The following CELSR2 variants were observed in gnomAD, a reference collection of about 807,000 sequenced individuals.
CELSR2 encodes EGF-like protein 2.
CELSR2 carries 81 observed loss-of-function variants against 251.6 expected under a neutral mutation model. That is an observed-to-expected ratio of 0.32 (90% confidence interval 0.27 to 0.39). CELSR2 has a LOEUF of 0.39. Among genes scored for constraint, CELSR2 ranks in the 10% least tolerant of loss-of-function variants. CELSR2 has a pLI of 1.00. For synonymous variants in CELSR2, 1,721 were observed against 1,670.5 expected, an observed-to-expected ratio of 1.03 and a Z score of -0.74; for missense variants, 3,365 against 3,947.7, an observed-to-expected ratio of 0.85 and a Z score of 3.96.
intron 2 of CELSR2, 55 bp from the exon 3 acceptor site, chr1:109,260,987 A>G: frequency 1.4e-6 from 2 of 1,409,584 alleles, no homozygotes; most frequent in African/African-American, 1.4e-5. Flanking sequence ...GGGGGGTCTC[A>G]GTTCCCCTCC....
At position 109,262,947 on chromosome 1, in the gene CELSR2, T is replaced by C. The variant is rs1656060346; in HGVS notation, c.4686T>C (p.Ile1562=). ...DSRHIDMADF[I]ANNGTVPGCP... ...GGCACATAGACATGGCTGACTTCATTGCCAACAATGGCACCGTGCCTGGTA... is the reference window on the plus strand; with the variant it reads ...GGCACATAGACATGGCTGACTTCATCGCCAACAATGGCACCGTGCCTGGTA... The change falls in exon 7 of 34, where the codon ATT becomes ATC. Residue 1562 remains isoleucine (I), a synonymous_variant. Transcript: ENST00000271332. 7 of 1,613,634 alleles carry C rather than the reference T, an allele frequency of 4.3e-6. No homozygotes were observed. The highest frequency in any genetic ancestry group is 5.9e-6 in the Non-Finnish European group (7 of 1,179,818).
rs772696842 is a variant in CELSR2, at chr1:109,258,935, C to G, written c.3814C>G (p.Leu1272Val). The G allele has an allele frequency of 1.2e-6, 2 of 1,611,896 alleles. No individual in the cohort carries two copies. Among genetic ancestry groups the G allele is most frequent in the South Asian group, 2.2e-5 (2 of 91,016 alleles). ...CCGGCCCATCCACCCCGTCGGAGGG[C>G]TGCGCTGCCGCTGCCCGCCCGGCTT... ...LFRPIHPVGG[L>V]RCRCPPGFTG... The change falls in exon 2 of 34, where the codon CTG becomes GTG. Residue 1272 changes from leucine (L) to valine (V), a missense_variant. Transcript: ENST00000271332.
chr1:109,271,080 C>T (rs372177975), intron 25 of CELSR2, 41 bp downstream of exon 25: 4 of 1,559,464 alleles, frequency 2.6e-6, no homozygotes, highest in Non-Finnish European at 2.7e-6. Context: ...CTGTGGCCCT[C>T]CTTTGCTGTC....
chr1:109,272,303 C>A lies in CELSR2; in HGVS notation c.7952C>A (p.Ala2651Glu). 6.2e-7 allele frequency: 1 copy of A among 1,608,124 alleles called. No individual in the cohort carries two copies. The change falls in exon 29 of 34, where the codon GCA becomes GAA. Residue 2651 changes from alanine (A) to glutamate (E), a missense_variant. Ala to Glu is a moderately radical substitution (Grantham distance 107). Around this residue, in one of 5 missense-constraint regions of CELSR2, gnomAD observed 2,093 missense variants for 2,382.8 expected, o/e 0.88. Coordinates refer to ENST00000271332, the MANE Select transcript of CELSR2 (RefSeq NM_001408.3). ...TCCTACAACTGCCCCAGCCCCTACG[C>A]AGATGGGCGGCTGTACCAGCCCTAC... ...TSSYNCPSPYADGRLYQPYGD... is the reference protein window; with the variant it reads ...TSSYNCPSPYEDGRLYQPYGD...
chr1:109,270,824 T>C, intron 24 of CELSR2, 103 bp from the exon 25 acceptor site: 1 of 1,009,590 alleles, frequency 9.9e-7, no homozygotes, highest in Non-Finnish European at 1.5e-6. Flanking sequence ...GCAGAACCCT[T>C]TTCCATGCTT....
chr1:109,257,627 G>T (rs1338452502), intron 1 of CELSR2, among the ~76,000 whole-genome samples: 1 of 152,190 alleles, frequency 6.6e-6, no homozygotes, highest in Non-Finnish European at 1.5e-5. Context: ...GTAGCTAGAG[G>T]CCCTAGGACC....
At chr1:109,271,849 G>A in intron 28 of CELSR2, 127 bp downstream of exon 28, 1 of 1,249,840 alleles carries the variant, frequency 8.0e-7, no homozygotes, top group East Asian at 2.6e-5. Flanking sequence ...TGGAAGGGGA[G>A]GTGAAATGCT....
intron 8 of CELSR2, 81 bp from the exon 9 acceptor site, chr1:109,263,530 C>G (rs1445565974): frequency 1.6e-5 from 25 of 1,548,348 alleles, no homozygotes; most frequent in Admixed American, 3.6e-5. Context: ...GCCTCCCGTG[C>G]AGCCGCCACC....
Position 109,263,603 on chromosome 1 carries a change from C to G in CELSR2, c.4835-8C>G, listed in dbSNP as rs909464295. 23 of 1,613,028 alleles carry G rather than the reference C, an allele frequency of 1.4e-5. No individual in the cohort carries two copies. Among genetic ancestry groups the G allele is most frequent in the Non-Finnish European group, 1.9e-5 (22 of 1,179,422 alleles). ...CCCGTCACAGTCTGCCTTTTCCTGC[C>G]TCCCCAGAAATGGCCAATCCACAGC... On this transcript the variant is annotated splice_polypyrimidine_tract_variant and splice_region_variant and intron_variant, in intron 8 of 33. Coordinates refer to ENST00000271332, the MANE Select transcript of CELSR2 (RefSeq NM_001408.3).
Position 109,252,493 on chromosome 1 carries a change from T to G in CELSR2, c.2414T>G (p.Val805Gly). The change falls in exon 1 of 34, where the codon GTG becomes GGG. Residue 805 changes from valine (V) to glycine (G), a missense_variant. This residue lies in a region of CELSR2 where 505 missense variants were observed against 660.0 expected (regional missense o/e 0.77). Transcript: ENST00000271332. The surrounding 1 kb of genome is among the most constrained non-coding windows in gnomAD (Gnocchi z 4.8). ...GACACCACCTACCTGGAGATCCTGG[T>G]GAACGACGTGAATGACAATGCCCCT... ...KSDTTYLEILVNDVNDNAPQF... is the reference protein window; with the variant it reads ...KSDTTYLEILGNDVNDNAPQF... The G allele has an allele frequency of 6.2e-7, 1 of 1,613,896 alleles. No homozygotes were observed. The highest frequency in any genetic ancestry group is 8.5e-7 in the Non-Finnish European group (1 of 1,180,038).
intron 30 of CELSR2, 43 bp downstream of exon 30, chr1:109,272,771 G>A (rs1299014876): frequency 6.2e-7 from 1 of 1,613,414 alleles, no homozygotes; most frequent in East Asian, 2.2e-5. Flanking sequence ...GCAGTTGGCT[G>A]GCTTTTACTG....
chr1:109,268,789 AG>A, intron 18 of CELSR2, 25 bp downstream of exon 18: 1 of 1,586,520 alleles, frequency 6.3e-7, no homozygotes, highest in Non-Finnish European at 8.6e-7. Context: ...TGGGTTGGGG[AG>A]GGGTTTGTGG....
At position 109,272,848 on chromosome 1, in the gene CELSR2, C is replaced by T; in HGVS notation, c.8159C>T (p.Ser2720Phe). ...GGCCTCCTAGATCCTGACACGGACT[C>T]CGACAGTGACCTGTCCTTAGAAGAC... ...QDQQHDPDTD[S>F]DSDLSLEDDQ... The change falls in exon 31 of 34, where the codon TCC (serine) becomes TTC (phenylalanine). Residue 2720 changes from serine (S) to phenylalanine (F), a missense_variant. Around this residue, in one of 5 missense-constraint regions of CELSR2, gnomAD observed 2,093 missense variants for 2,382.8 expected, o/e 0.88. Coordinates refer to ENST00000271332, the MANE Select transcript of CELSR2 (RefSeq NM_001408.3). The T allele has an allele frequency of 6.2e-7, 1 of 1,613,440 alleles. No individual in the cohort carries two copies. The highest frequency in any genetic ancestry group is 8.5e-7 in the Non-Finnish European group (1 of 1,179,584).
chr1:109,263,108 T>G, intron 7 of CELSR2, 34 bp from the exon 8 acceptor site: 1 of 1,586,416 alleles, frequency 6.3e-7, no homozygotes, highest in Non-Finnish European at 8.6e-7. Context: ...GAGCCCCAGC[T>G]CAGGTCCACT....
chr1:109,271,333 G>A (rs957587390), intron 26 of CELSR2, 37 bp downstream of exon 26: 8 of 1,613,614 alleles, frequency 5.0e-6, no homozygotes, highest in Non-Finnish European at 6.8e-6. Context: ...CCATGGGCAG[G>A]CACCAGCATG....
chr1:109,255,380 C>T (rs1246596398), intron 1 of CELSR2, among the ~76,000 whole-genome samples: 1 of 152,220 alleles, frequency 6.6e-6, no homozygotes, highest in Non-Finnish European at 1.5e-5. Flanking sequence ...GCTTTGTCTT[C>T]CCCTGTTTGG....
rs1383729051 is a variant in CELSR2 at position 109,258,512 on chromosome 1, C to T, written c.3391C>T (p.Leu1131=). ...TGAGATGCTCACCCACAGCATCACG[C>T]TGCGCCTGGAGGACATGTCACCCGA... is the stretch of plus-strand genomic sequence containing the variant. ...TDEMLTHSIT[L]RLEDMSPERF... Residue 1131 remains leucine, a synonymous_variant, in exon 2 of 34, where the codon CTG becomes TTG. Transcript: ENST00000271332. 6.2e-7 allele frequency: 1 copy of T among 1,603,336 alleles called. No individual in the cohort carries two copies. Among genetic ancestry groups the T allele is most frequent in the Non-Finnish European group, 8.5e-7 (1 of 1,175,150 alleles).
In CELSR2 at chr1:109,253,419, G is replaced by C. The variant is rs768421323; in HGVS notation, c.3310+30G>C. On this transcript the variant is annotated intron_variant, in intron 1 of 33. Transcript: ENST00000271332. ...GGAAGGGCCCAGGTGGCGCTGGGGT[G>C]GGGGTAGCTCGCGGGGATGGTCTGG... is the stretch of plus-strand genomic sequence containing the variant. The C allele has an allele frequency of 4.4e-6, 7 of 1,598,244 alleles. No homozygotes were observed. The African/African-American group carries it at 5.4e-5, about 12-fold the overall frequency.
chr1:109,263,814 A>T (rs776168392), intron 9 of CELSR2, 37 bp downstream of exon 9: 3 of 1,602,840 alleles, frequency 1.9e-6, no homozygotes, highest in Non-Finnish European at 2.6e-6. Context: ...TGGCCTGGCC[A>T]TAGGGCCCTG....
Sources: gnomAD v4.1 joint callset for allele counts (sites outside exome capture counted in the v4.1 genomes callset) on GRCh38, gnomAD v4.1.1 for gene constraint, gnomAD v4.1.1 regional missense constraint, Gnocchi (gnomAD v3.1) non-coding constraint, MANE v1.5 for transcripts, NCBI Gene and HGNC (gene_info 2026-07-23, HGNC 2026-07-21) for gene names.